The following ERICH1 variants were observed in gnomAD, a reference collection of about 807,000 sequenced individuals.
The protein encoded by ERICH1 is glutamate rich 1, also known as glutamate-rich protein 1.
Under a neutral mutation model 39.6 loss-of-function variants are expected in ERICH1, and 56 were observed. That is an observed-to-expected ratio of 1.41 (90% confidence interval 1.14 to 1.77). The LOEUF (loss-of-function observed/expected upper bound fraction) is 1.77, where lower values mean the gene tolerates loss of function less well. Ranked by LOEUF, ERICH1 falls within the 40% of genes most tolerant of loss-of-function variation. The pLI is 0.00. For synonymous variants in ERICH1, 313 were observed against 223.6 expected (o/e 1.40, Z -3.57); for missense variants, 826 against 575.4 (o/e 1.44, Z -4.45).
intron 5 of ERICH1, among the ~76,000 whole-genome samples, chr8:665,437 ACTGCTT>A (rs1429511193): frequency 6.6e-6 from 1 of 152,212 alleles, no homozygotes; most frequent in East Asian, 1.9e-4. Context: ...CCTGGAATCT[ACTGCTT>A]CTGAAGTTTC....
chr8:652,655 G>A (rs959103109), intron 3 of ERICH1, among the ~76,000 whole-genome samples: 3 of 152,200 alleles, frequency 2.0e-5, no homozygotes, highest in Non-Finnish European at 4.4e-5. Flanking sequence ...AGCTTACAGG[G>A]TGTCTTCATT....
chr8:731,123 G>A lies in ERICH1; in HGVS notation c.22+17C>T, dbSNP rs961460651. 6.6e-7 allele frequency: 1 copy of A among 1,511,256 alleles called. No homozygotes were observed. The highest frequency in any genetic ancestry group is 1.4e-5 in the African/African-American group (1 of 70,270). 93.6% of individuals were successfully genotyped at this position (1,511,256 alleles called of 1,614,324 possible). A position where few individuals can be genotyped will look rare whatever the true frequency, so the allele number is the denominator to read the frequency against. On this transcript the variant is annotated intron_variant, in intron 1 of 5. Coordinates refer to ENST00000262109, the MANE Select transcript of ERICH1 (RefSeq NM_207332.3). ...GGGTCTGGGGTCTGGGCAGGCCTCC[G>A]CACCGCACCCACCTACCGTGCTTCC... is the stretch of plus-strand genomic sequence containing the variant.
intron 2 of ERICH1, among the ~76,000 whole-genome samples, chr8:712,801 A>G (rs980622149): frequency 3.3e-5 from 5 of 152,184 alleles, no homozygotes; most frequent in African/African-American, 1.2e-4. Flanking sequence ...ACCCCACTAT[A>G]ATCCTTTATT....
chr8:627,151 A>T, intron 3 of ERICH1: 1 of 456,286 alleles, frequency 2.2e-6, no homozygotes, highest in Non-Finnish European at 4.4e-6. Context: ...AGACAGCAGC[A>T]GACCCAGGTC....
At chr8:674,944 GT>G (rs1280886900) in intron 3 of ERICH1, among the ~76,000 whole-genome samples, 1 of 152,148 alleles carries the variant, frequency 6.6e-6, no homozygotes, top group African/African-American at 2.4e-5. Context: ...TATTTCCCCC[GT>G]GGCCGATTTC....
chr8:640,821 A>G (rs749926037), intron 3 of ERICH1: 2 of 152,224 alleles, frequency 1.3e-5, no homozygotes, highest in African/African-American at 4.8e-5. Flanking sequence ...GATTTCGACA[A>G]GAGCCAATAA....
chr8:627,485 A>G (rs981815936), intron 3 of ERICH1, among the ~76,000 whole-genome samples: 8 of 152,182 alleles, frequency 5.3e-5, no homozygotes, highest in African/African-American at 1.9e-4. Context: ...ACAGCCTTCT[A>G]AGGTACTACA....
At chr8:711,983 T>A (rs1004167818) in intron 2 of ERICH1, among the ~76,000 whole-genome samples, 1 of 152,224 alleles carries the variant, frequency 6.6e-6, no homozygotes, top group South Asian at 2.1e-4. Context: ...GTACTCTCTA[T>A]TCTGTCCCAT....
At chr8:614,999 T>G in exon 4 of ERICH1, 2 of 415,646 alleles carry the variant, frequency 4.8e-6, no homozygotes, top group Non-Finnish European at 8.5e-6. Context: ...TCAAAAGGAC[T>G]TGGGCACTGC....
At chr8:628,970 C>G (rs143605472) in intron 3 of ERICH1, among the ~76,000 whole-genome samples, 1 of 152,062 alleles carries the variant, frequency 6.6e-6, no homozygotes, top group East Asian at 1.9e-4. Context: ...AGGGAGGGCC[C>G]GGCACCCACC....
chr8:632,879 T>C (rs1488184817), intron 3 of ERICH1, among the ~76,000 whole-genome samples: 2 of 152,206 alleles, frequency 1.3e-5, no homozygotes, highest in African/African-American at 4.8e-5. Context: ...AGACCACGGA[T>C]GCGGCTCAAC....
At chr8:621,313 A>G (rs1196316405) in intron 3 of ERICH1, among the ~76,000 whole-genome samples, 5 of 152,142 alleles carry the variant, frequency 3.3e-5, no homozygotes, top group African/African-American at 1.2e-4. Context: ...CTTATATTAA[A>G]AAAGACACTC....
intron 1 of ERICH1, among the ~76,000 whole-genome samples, chr8:720,360 T>C (rs1470726696): frequency 6.6e-6 from 1 of 152,158 alleles, no homozygotes; most frequent in African/African-American, 2.4e-5. Flanking sequence ...GGACGCATGC[T>C]GGCACCGCGC....
At chr8:691,084 C>G (rs1808792307) in intron 3 of ERICH1, 1 of 152,270 alleles carries the variant, frequency 6.6e-6, no homozygotes, top group Non-Finnish European at 1.5e-5. Context: ...GGGGCTTGCT[C>G]TGGGCATTTT....
intron 3 of ERICH1, among the ~76,000 whole-genome samples, chr8:623,493 G>C (rs909505332): frequency 1.3e-5 from 2 of 152,016 alleles, no homozygotes; most frequent in Non-Finnish European, 2.9e-5. Context: ...AAAAATTTTT[G>C]TTTTTTCCAG....
At chr8:718,980 G>C (rs1206756490) in intron 1 of ERICH1, among the ~76,000 whole-genome samples, 1 of 151,982 alleles carries the variant, frequency 6.6e-6, no homozygotes, top group Non-Finnish European at 1.5e-5. Flanking sequence ...CTGTACCCAG[G>C]TGTGTTGTGC....
chr8:651,039 T>C (rs1029698115), intron 3 of ERICH1, among the ~76,000 whole-genome samples: 2 of 152,184 alleles, frequency 1.3e-5, no homozygotes, highest in South Asian at 2.1e-4. Context: ...CTTGCAGGGG[T>C]TCAGTGGTTT....
chr8:704,022 T>C (rs190281826), intron 2 of ERICH1, among the ~76,000 whole-genome samples: 26 of 152,252 alleles, frequency 1.7e-4, no homozygotes, highest in African/African-American at 5.5e-4. Flanking sequence ...AAACTGCTCA[T>C]AGCCACAGGA....
Position 664,237 on chromosome 8 carries a change from C to A in ERICH1, c.*366G>T. The A allele has an allele frequency of 1.1e-5, 11 of 995,928 alleles. No homozygotes were observed. The highest frequency in any genetic ancestry group is 1.3e-5 in the Non-Finnish European group (11 of 837,116). 61.7% of individuals were successfully genotyped at this position (995,928 alleles called of 1,614,324 possible). A position where few individuals can be genotyped will look rare whatever the true frequency, so the allele number is the denominator to read the frequency against. ...AACATTTTAATACCCAGAAAGCATT[C>A]TTAAAGCAGAGACTTTCAGATACAA... On this transcript the variant is annotated 3_prime_UTR_variant, in exon 6 of 6. Transcript: ENST00000262109.
Sources: allele counts gnomAD v4.1 joint callset (sites outside exome capture counted in the v4.1 genomes callset), GRCh38; gene constraint gnomAD v4.1.1; transcripts MANE v1.5; gene names NCBI Gene and HGNC (gene_info 2026-07-23, HGNC 2026-07-21).